Variants in PXDNL observed in about 807,000 individuals in gnomAD.
The protein encoded by PXDNL is probable oxidoreductase PXDNL.
PXDNL carries 145 observed loss-of-function variants against 150.8 expected under a neutral mutation model. The ratio of observed to expected loss-of-function variants is 0.96; its 90% CI spans 0.84 to 1.10. PXDNL has a LOEUF of 1.10. Among genes scored for constraint, PXDNL ranks in the 50% least tolerant of loss-of-function variants. PXDNL has a pLI of 0.00. For missense variants in PXDNL, 2,087 were observed against 1,873.9 expected (o/e 1.11, Z -2.10); for synonymous variants, 757 against 725.7 (o/e 1.04, Z -0.69).
At chr8:51,382,512 C>A (rs959430051) in intron 17 of PXDNL, among the ~76,000 whole-genome samples, 2 of 152,150 alleles carry the variant, frequency 1.3e-5, no homozygotes, top group Non-Finnish European at 2.9e-5. Context: ...AAAAATGAGA[C>A]TATTGTCCTA....
intron 2 of PXDNL, among the ~76,000 whole-genome samples, chr8:51,631,540 T>C (rs563258693): frequency 6.6e-6 from 1 of 152,286 alleles, no homozygotes; most frequent in East Asian, 1.9e-4. Context: ...AGGGAATCTT[T>C]TGAGCTGACA....
chr8:51,625,333 C>T lies in PXDNL; in HGVS notation c.236+29356G>A, dbSNP rs574629382. Among the ~76,000 whole-genome samples, 7 of 152,298 alleles carry T rather than the reference C, an allele frequency of 4.6e-5. No homozygotes were observed. The East Asian group carries it at 7.7e-4, about 17-fold the overall frequency. ...ATTTTAAAATATTACTCTCAAATTA[C>T]GTAGCGCCCCTGTGACTTCTAAACA... is the stretch of plus-strand genomic sequence containing the variant. On this transcript the variant is annotated intron_variant, in intron 2 of 22. Coordinates refer to ENST00000356297, the MANE Select transcript of PXDNL (RefSeq NM_144651.5).
chr8:51,763,090 TC>T (rs1373734484), intron 1 of PXDNL, among the ~76,000 whole-genome samples: 1 of 152,096 alleles, frequency 6.6e-6, no homozygotes, highest in Non-Finnish European at 1.5e-5. Context: ...TAGCAGTAAT[TC>T]CCCCATTATC....
chr8:51,614,825 C>T (rs576046392), intron 2 of PXDNL, among the ~76,000 whole-genome samples: 24 of 152,104 alleles, frequency 1.6e-4, no homozygotes, highest in African/African-American at 5.5e-4. Context: ...GAGGGCAACA[C>T]GATCTGGAAA....
intron 3 of PXDNL, among the ~76,000 whole-genome samples, chr8:51,558,992 G>A (rs923161891): frequency 1.3e-5 from 2 of 151,918 alleles, no homozygotes; most frequent in Admixed American, 6.6e-5. Flanking sequence ...ATTAGTAGAG[G>A]GAAAGAGGTT....
intron 3 of PXDNL, among the ~76,000 whole-genome samples, chr8:51,558,093 A>G (rs2130547085): frequency 6.6e-6 from 1 of 152,264 alleles, no homozygotes; most frequent in Middle Eastern, 3.4e-3. Flanking sequence ...AGTTTATAAG[A>G]AGCATTGAGA....
At chr8:51,577,240 A>G (rs1427111366) in intron 3 of PXDNL, among the ~76,000 whole-genome samples, 1 of 151,808 alleles carries the variant, frequency 6.6e-6, no homozygotes, top group Non-Finnish European at 1.5e-5. Flanking sequence ...GGATACACAA[A>G]TTGTCAAGAA....
intron 4 of PXDNL, among the ~76,000 whole-genome samples, chr8:51,517,026 T>C (rs77625750): frequency 0.088 from 13,417 of 152,284 alleles, 669 homozygotes; most frequent in Middle Eastern, 0.13. Flanking sequence ...TTTTACTTTC[T>C]TTTCAGGAAA....
chr8:51,427,989 C>A (rs1227230760), intron 12 of PXDNL, among the ~76,000 whole-genome samples: 1 of 152,056 alleles, frequency 6.6e-6, no homozygotes, highest in Non-Finnish European at 1.5e-5. Flanking sequence ...CAATATATAT[C>A]AAAAATACTC....
At chr8:51,340,645 T>C (rs754846681) in intron 20 of PXDNL, among the ~76,000 whole-genome samples, 2 of 152,118 alleles carry the variant, frequency 1.3e-5, no homozygotes, top group Non-Finnish European at 2.9e-5. Flanking sequence ...ATCAGAGACA[T>C]AGTATAGAGT....
At chr8:51,490,227 A>T (rs1480831555) in intron 5 of PXDNL, among the ~76,000 whole-genome samples, 8 of 152,220 alleles carry the variant, frequency 5.3e-5, no homozygotes, top group Non-Finnish European at 2.9e-5. Flanking sequence ...TTATTAAGAC[A>T]ATTATTTTTG....
intron 17 of PXDNL, among the ~76,000 whole-genome samples, chr8:51,376,931 G>A (rs1163837317): frequency 6.6e-6 from 1 of 151,996 alleles, no homozygotes; most frequent in Non-Finnish European, 1.5e-5. Context: ...TGTTAGCCAG[G>A]ATGGTCTCGA....
intron 8 of PXDNL, among the ~76,000 whole-genome samples, chr8:51,461,287 T>C (rs1316578123): frequency 6.6e-6 from 1 of 152,182 alleles, no homozygotes; most frequent in African/African-American, 2.4e-5. Flanking sequence ...GCACAGGAGC[T>C]GGGTGTGCTT....
chr8:51,345,912 G>A lies in PXDNL; in HGVS notation c.3937C>T (p.Gln1313Ter). Residue 1313 changes from glutamine (Q) to a stop codon, truncating the protein, a stop_gained, in exon 20 of 23, where the codon CAA becomes TAA. Transcript: ENST00000356297. LOFTEE classifies it high-confidence loss of function. ...GCTGAGCGTTTCTTTTGAGACTCTT[G>A]CGTCACTGCTCTGAACTGTCCTCTA... Reference protein sequence around the residue: ...RSRGQFRAVTQESQKKRSAQY... With the variant: ...RSRGQFRAVT The A allele has an allele frequency of 6.2e-7, 1 of 1,613,646 alleles. No individual in the cohort carries two copies.
At chr8:51,695,416 T>C (rs1214964913) in intron 1 of PXDNL, among the ~76,000 whole-genome samples, 1 of 152,154 alleles carries the variant, frequency 6.6e-6, no homozygotes, top group African/African-American at 2.4e-5. Context: ...ATCTTATCAT[T>C]ATTATTACCA....
At chr8:51,338,767 T>C (rs1185809330) in intron 21 of PXDNL, among the ~76,000 whole-genome samples, 1 of 152,234 alleles carries the variant, frequency 6.6e-6, no homozygotes, top group Non-Finnish European at 1.5e-5. Flanking sequence ...CCTCAAGTTT[T>C]TGGAAAAATG....
intron 6 of PXDNL, among the ~76,000 whole-genome samples, chr8:51,483,310 C>T (rs182131789): frequency 5.1e-4 from 78 of 152,296 alleles, no homozygotes; most frequent in African/African-American, 1.8e-3. Flanking sequence ...TTCTTTGGAA[C>T]TTCTCACATC....
intron 3 of PXDNL, 144 bp downstream of exon 3, chr8:51,592,481 CAT>C (rs1277855480): frequency 1.8e-6 from 1 of 549,764 alleles, no homozygotes; most frequent in African/African-American, 2.0e-5. Flanking sequence ...GCACTTAAGA[CAT>C]GTTCATATGT....
At chr8:51,754,758 C>T (rs2037081975) in intron 1 of PXDNL, among the ~76,000 whole-genome samples, 1 of 152,168 alleles carries the variant, frequency 6.6e-6, no homozygotes, top group Non-Finnish European at 1.5e-5. Flanking sequence ...CCATCTTGCC[C>T]TCCCAAAGTG....
Sources: gnomAD v4.1 joint callset for allele counts (sites outside exome capture counted in the v4.1 genomes callset) on GRCh38, gnomAD v4.1.1 for gene constraint, MANE v1.5 for transcripts, NCBI Gene and HGNC (gene_info 2026-07-23, HGNC 2026-07-21) for gene names.